Variants in KCNQ5 observed in about 807,000 individuals in gnomAD.
KCNQ5 encodes the protein potassium voltage-gated channel subfamily Q member 5.
KCNQ5 carries 30 observed loss-of-function variants against 98.2 expected under a neutral mutation model. The observed-to-expected ratio is 0.31, with a 90% CI of 0.23 to 0.41. The LOEUF is 0.41. Ranked by LOEUF, KCNQ5 falls within the 10% of genes least tolerant of loss-of-function variation. The probability of loss-of-function intolerance (pLI) is 1.00; values close to 1 mark genes in which losing one functional copy is unlikely to be tolerated. For missense variants in KCNQ5, 835 were observed against 1,182.5 expected (o/e 0.71, Z 4.31); for synonymous variants, 458 against 449.4 (o/e 1.02, Z -0.24).
At chr6:72,645,485 GT>G (rs1410040850) in intron 1 of KCNQ5, among the ~76,000 whole-genome samples, 2 of 151,840 alleles carry the variant, frequency 1.3e-5, no homozygotes, top group Admixed American at 6.6e-5. Flanking sequence ...CAGAATGGAA[GT>G]TTAATAAGTA....
At chr6:73,145,010 G>A (rs745455313) in intron 10 of KCNQ5, among the ~76,000 whole-genome samples, 8 of 152,182 alleles carry the variant, frequency 5.3e-5, no homozygotes, top group African/African-American at 1.4e-4. Flanking sequence ...TGCAAGTGTC[G>A]TGGCCAGTAT....
At chr6:72,675,996 T>G (rs1022939498) in intron 1 of KCNQ5, among the ~76,000 whole-genome samples, 8 of 152,240 alleles carry the variant, frequency 5.3e-5, no homozygotes, top group African/African-American at 1.9e-4. Context: ...CCTATGTAAC[T>G]GTTTAAGTAA....
At chr6:72,969,446 C>A (rs1371815670) in intron 1 of KCNQ5, among the ~76,000 whole-genome samples, 1 of 152,100 alleles carries the variant, frequency 6.6e-6, no homozygotes, top group African/African-American at 2.4e-5. Flanking sequence ...TATGGTTGAA[C>A]CTAATGGTTT....
At chr6:72,780,700 C>G (rs755152034) in intron 1 of KCNQ5, among the ~76,000 whole-genome samples, 1 of 152,094 alleles carries the variant, frequency 6.6e-6, no homozygotes, top group Admixed American at 6.6e-5. Context: ...AGAACTTTAT[C>G]TGGTAATCAA....
intron 5 of KCNQ5, among the ~76,000 whole-genome samples, chr6:73,094,090 G>A (rs1035940858): frequency 2.0e-5 from 3 of 152,118 alleles, no homozygotes; most frequent in African/African-American, 7.2e-5. Context: ...TAGTTCCAGT[G>A]TTCAGTGCAT....
chr6:72,816,627 A>G (rs1031054250), intron 1 of KCNQ5, among the ~76,000 whole-genome samples: 1 of 152,186 alleles, frequency 6.6e-6, no homozygotes, highest in Non-Finnish European at 1.5e-5. Flanking sequence ...TCCACATCAT[A>G]TATCTAGATT....
chr6:73,194,854 A>G lies in KCNQ5; in HGVS notation c.2239A>G (p.Thr747Ala), dbSNP rs377110048. Reference sequence around the variant, plus strand: ...GGCACCCAAGCCAGCAGCCCCAACAACTTTACAGATCCCACCTCCTCTCCC... The same window carrying G: ...GGCACCCAAGCCAGCAGCCCCAACAGCTTTACAGATCCCACCTCCTCTCCC... Reference protein sequence around the residue: ...NTAPKPAAPTTLQIPPPLPAI... With the variant: ...NTAPKPAAPTALQIPPPLPAI... Residue 747 changes from threonine to alanine, a missense_variant, in exon 14 of 14, where the codon ACT becomes GCT. Physicochemically the swap from Thr to Ala is moderately conservative, Grantham distance 58. This residue lies in a region of KCNQ5 where 416 missense variants were observed against 446.9 expected (regional missense o/e 0.93). Transcript: ENST00000370398. The G allele has an allele frequency of 1.5e-5, 24 of 1,613,808 alleles. No homozygotes were observed. The East Asian group carries it at 2.7e-4, about 18-fold the overall frequency.
At chr6:72,815,238 A>C (rs1775450546) in intron 1 of KCNQ5, among the ~76,000 whole-genome samples, 1 of 152,220 alleles carries the variant, frequency 6.6e-6, no homozygotes, top group Non-Finnish European at 1.5e-5. Flanking sequence ...CACGCCTGGC[A>C]CATAGAAACT....
rs998189474 is a variant in KCNQ5, at chr6:72,848,261, G to A, written c.399-155647G>A. On this transcript the variant is annotated intron_variant, in intron 1 of 13. Transcript: ENST00000370398. ...ATGCAGGTTTGTTACATAGGTATACGTGTGCCATGGTGGTTTGCTGCATCT... is the reference window on the plus strand; with the variant it reads ...ATGCAGGTTTGTTACATAGGTATACATGTGCCATGGTGGTTTGCTGCATCT... 6.6e-5 allele frequency among the ~76,000 whole-genome samples: 10 copies of A among 151,678 alleles called. No homozygotes were observed. In the East Asian group the frequency reaches 9.7e-4, roughly 15 times the overall value.
At chr6:72,856,659 C>T (rs1271293351) in intron 1 of KCNQ5, among the ~76,000 whole-genome samples, 1 of 152,212 alleles carries the variant, frequency 6.6e-6, no homozygotes, top group Admixed American at 6.5e-5. Flanking sequence ...TAAGAAAATA[C>T]GTTAAATCTG....
At chr6:73,142,906 GACTCC>G (rs1211947949) in intron 10 of KCNQ5, among the ~76,000 whole-genome samples, 1 of 152,108 alleles carries the variant, frequency 6.6e-6, no homozygotes, top group East Asian at 1.9e-4. Flanking sequence ...ACAAGAGCAA[GACTCC>G]ATCTCGAAAA....
At chr6:72,722,995 G>A (rs1259335255) in intron 1 of KCNQ5, among the ~76,000 whole-genome samples, 1 of 151,668 alleles carries the variant, frequency 6.6e-6, no homozygotes, top group Non-Finnish European at 1.5e-5. Context: ...GACTACAGGT[G>A]TGTGCTACTA....
At chr6:72,770,791 G>C (rs949728566) in intron 1 of KCNQ5, among the ~76,000 whole-genome samples, 1 of 151,982 alleles carries the variant, frequency 6.6e-6, no homozygotes, top group Non-Finnish European at 1.5e-5. Context: ...ACTACTTAAG[G>C]ATTCCATTGT....
chr6:72,907,660 C>G (rs994382986), intron 1 of KCNQ5, among the ~76,000 whole-genome samples: 2 of 152,064 alleles, frequency 1.3e-5, no homozygotes, highest in Non-Finnish European at 2.9e-5. Flanking sequence ...ACCATCTTAA[C>G]TATTATACCT....
chr6:72,675,313 A>G (rs1414057599), intron 1 of KCNQ5, among the ~76,000 whole-genome samples: 3 of 152,200 alleles, frequency 2.0e-5, no homozygotes, highest in African/African-American at 7.2e-5. Context: ...AGGGACTTCT[A>G]AGGAACTGCA....
intron 3 of KCNQ5, among the ~76,000 whole-genome samples, chr6:73,065,790 G>A (rs952058251): frequency 6.6e-6 from 1 of 152,070 alleles, no homozygotes; most frequent in Non-Finnish European, 1.5e-5. Flanking sequence ...TATGATCACG[G>A]TCACCCCTTC....
At chr6:72,947,461 A>G (rs1262767696) in intron 1 of KCNQ5, among the ~76,000 whole-genome samples, 1 of 152,162 alleles carries the variant, frequency 6.6e-6, no homozygotes, top group Non-Finnish European at 1.5e-5. Context: ...TTTCCATTTT[A>G]ACTACTTTAG....
chr6:72,877,441 C>T (rs921222928), intron 1 of KCNQ5, among the ~76,000 whole-genome samples: 2 of 152,124 alleles, frequency 1.3e-5, no homozygotes, highest in African/African-American at 4.8e-5. Flanking sequence ...ATATGTACCA[C>T]ATTTTTTTTT....
At chr6:73,116,614 T>C (rs1775507987) in intron 7 of KCNQ5, among the ~76,000 whole-genome samples, 1 of 152,206 alleles carries the variant, frequency 6.6e-6, no homozygotes, top group Non-Finnish European at 1.5e-5. Context: ...AGTTTGAAGC[T>C]GCTGTGAGCT....
Sources: allele counts gnomAD v4.1 joint callset (sites outside exome capture counted in the v4.1 genomes callset), GRCh38; gene constraint gnomAD v4.1.1; regional missense constraint gnomAD v4.1.1; transcripts MANE v1.5; gene names NCBI Gene and HGNC (gene_info 2026-07-23, HGNC 2026-07-21).